Variants in DMD observed in about 807,000 individuals in gnomAD.
DMD encodes dystrophin, also known as mutant dystrophin.
In DMD, 63 loss-of-function variants were observed where a neutral mutation model predicts 330.1. The ratio of observed to expected loss-of-function variants is 0.19; its 90% confidence interval spans 0.16 to 0.24. The LOEUF is 0.24. Ranked by LOEUF, DMD falls within the 10% of genes least tolerant of loss-of-function variation. The pLI is 1.00. For synonymous variants in DMD, 1,223 were observed against 959.8 expected, an observed-to-expected ratio of 1.27 and a Z score of -5.07; for missense variants, 3,344 against 2,684.1, an observed-to-expected ratio of 1.25 and a Z score of -5.43.
chrX:33,241,177 G>A (rs191744224), intron 1 of DMD, among the ~76,000 whole-genome samples: 1 of 111,981 alleles, frequency 8.9e-6, no homozygotes, highest in Non-Finnish European at 1.9e-5. Context: ...CCTTCTGGTA[G>A]TCTTATAGTT....
rs1483914466 is a variant in DMD at position 33,009,391 on chromosome X, T to C, written c.93+10748A>G. Reference sequence around the variant, plus strand: ...GTATATGTGTATATACACGTGTATATATGTGTGTATATGTGTATATACACA... The same window carrying C: ...GTATATGTGTATATACACGTGTATACATGTGTGTATATGTGTATATACACA... On this transcript the variant is annotated intron_variant, in intron 2 of 78. Transcript: ENST00000357033. Among the ~76,000 whole-genome samples the C allele has an allele frequency of 4.6e-5, 4 of 86,606 alleles. 2 individuals carry two copies. Among genetic ancestry groups the C allele is most frequent in the Non-Finnish European group, 9.0e-5 (4 of 44,603 alleles). The allele number at this position is 86,606 out of a possible 115,157, so 75.2% of individuals were successfully genotyped here.
intron 1 of DMD, among the ~76,000 whole-genome samples, chrX:33,205,146 C>T (rs148485891): frequency 0.011 from 1,265 of 112,571 alleles, 14 homozygotes; most frequent in African/African-American, 0.039. Context: ...CATCTGATTA[C>T]GCTCTTTAAA....
At chrX:32,860,710 G>A (rs898855551) in intron 2 of DMD, among the ~76,000 whole-genome samples, 2 of 110,423 alleles carry the variant, frequency 1.8e-5, no homozygotes, top group African/African-American at 3.3e-5. Context: ...GTCACAAACC[G>A]AACATATTTA....
At chrX:32,423,403 AT>A (rs776242582) in intron 29 of DMD, among the ~76,000 whole-genome samples, 6 of 110,148 alleles carry the variant, frequency 5.4e-5, no homozygotes, top group Admixed American at 9.8e-5. Flanking sequence ...TCTAGAGTGA[AT>A]ATTAAATACT....
chrX:31,907,693 C>T (rs1191233969), intron 47 of DMD, among the ~76,000 whole-genome samples: 1 of 112,062 alleles, frequency 8.9e-6, no homozygotes, highest in Non-Finnish European at 1.9e-5. Flanking sequence ...AAAGCAATGG[C>T]AACAGAAGCC....
chrX:32,625,415 T>C (rs2146521678), intron 11 of DMD, among the ~76,000 whole-genome samples: 1 of 111,495 alleles, frequency 9.0e-6, no homozygotes, highest in East Asian at 2.8e-4. Context: ...GGCTGCAATA[T>C]TGGACAGCAC....
intron 37 of DMD, among the ~76,000 whole-genome samples, chrX:32,352,219 C>A (rs1355859541): frequency 9.1e-6 from 1 of 110,497 alleles, no homozygotes; most frequent in Non-Finnish European, 1.9e-5. Context: ...ATTTTAGGAA[C>A]AAAATCCTTT....
Position 31,704,699 on chromosome X carries a change from T to G in DMD, c.7660+24932A>C, listed in dbSNP as rs147067537. Among the ~76,000 whole-genome samples the G allele has an allele frequency of 1.9e-3, 208 of 111,749 alleles. 2 individuals are homozygous for G. The East Asian group carries it at 0.055, about 29-fold the overall frequency. On this transcript the variant is annotated intron_variant, in intron 52 of 78. Coordinates refer to ENST00000357033, the MANE Select transcript of DMD (RefSeq NM_004006.3). ...ACACACATACGTTGCCAGAACTTGG[T>G]CTCAAGCAAGACTATATTTTTCTAA...
chrX:32,077,138 T>C (rs12845449), intron 44 of DMD, among the ~76,000 whole-genome samples: 1 of 111,302 alleles, frequency 9.0e-6, no homozygotes, highest in Non-Finnish European at 1.9e-5. Flanking sequence ...ATAATGCTTA[T>C]CCATGGGGGT....
intron 7 of DMD, among the ~76,000 whole-genome samples, chrX:32,703,522 T>C (rs1002148808): frequency 5.4e-5 from 6 of 111,896 alleles, no homozygotes; most frequent in Non-Finnish European, 7.5e-5. Context: ...TCATGTGCTA[T>C]AGAATATACT....
intron 1 of DMD, among the ~76,000 whole-genome samples, chrX:33,302,710 C>T (rs182379905): frequency 2.2e-3 from 249 of 111,291 alleles, no homozygotes; most frequent in Non-Finnish European, 3.9e-3. Flanking sequence ...CAGCCACCCA[C>T]GCTATCTACA....
intron 2 of DMD, among the ~76,000 whole-genome samples, chrX:32,899,686 A>G (rs765334415): frequency 1.0e-4 from 11 of 109,960 alleles, no homozygotes; most frequent in East Asian, 5.7e-4. Context: ...AAAAAAAAAA[A>G]AAAGAAAGAA....
intron 44 of DMD, among the ~76,000 whole-genome samples, chrX:32,067,997 TCTGCGGC>T (rs2096270811): frequency 8.9e-6 from 1 of 112,075 alleles, no homozygotes; most frequent in African/African-American, 3.2e-5. Context: ...TCCCCTTGTC[TCTGCGGC>T]CTTGCCAGCA....
rs73623940 is a variant in DMD at position 33,290,397 on chromosome X, G to C, written c.7+48862C>G. On this transcript the variant is annotated intron_variant, in intron 1 of 17. Transcript: ENST00000288447. ...AAGATAAAGATGATGATGTTATTCCGTTTGACTAAATCTCATAAGCGGCTC... is the reference window on the plus strand; with the variant it reads ...AAGATAAAGATGATGATGTTATTCCCTTTGACTAAATCTCATAAGCGGCTC... Among the ~76,000 whole-genome samples the C allele has an allele frequency of 2.8e-3, 306 of 111,038 alleles. 2 individuals carry two copies. Among genetic ancestry groups the C allele is most frequent in the African/African-American group, 9.3e-3 (286 of 30,621 alleles).
At chrX:31,249,787 A>C in intron 63 of DMD, among the ~76,000 whole-genome samples, 1 of 111,002 alleles carries the variant, frequency 9.0e-6, no homozygotes, top group African/African-American at 3.3e-5. Flanking sequence ...GGAACCCAAT[A>C]GATTATTAAA....
At chrX:33,214,705 G>A (rs186140761), upstream of DMD, among the ~76,000 whole-genome samples, 119 of 112,228 alleles carry the variant, frequency 1.1e-3, no homozygotes, top group African/African-American at 3.6e-3. Context: ...CCAGGCTGGA[G>A]TGTAGCGACA....
intron 55 of DMD, among the ~76,000 whole-genome samples, chrX:31,619,350 C>G (rs1389327018): frequency 9.1e-6 from 1 of 109,906 alleles, no homozygotes; most frequent in Non-Finnish European, 1.9e-5. Context: ...TAGAAAATGA[C>G]AGTAAAGATA....
At position 32,882,906 on chromosome X, in the gene DMD, A is replaced by G. The variant is rs368168444; in HGVS notation, c.94-33086T>C. ...TAGGAAGACATTGAGCTAAACTCAA[A>G]GAGCAAAAAGCCAGAGTGTATGCAG... On this transcript the variant is annotated intron_variant, in intron 2 of 78. Transcript: ENST00000357033. Among the ~76,000 whole-genome samples the G allele has an allele frequency of 3.6e-5, 4 of 112,569 alleles. No individual in the cohort carries two copies. In the South Asian group the frequency reaches 1.5e-3, roughly 41 times the overall value.
rs1045027122 is a variant in DMD, at chrX:32,644,967, A to G, written c.1146T>C (p.His382=). 19 of 1,211,286 alleles carry G rather than the reference A, an allele frequency of 1.6e-5. No homozygotes were observed. Among genetic ancestry groups the G allele is most frequent in the Non-Finnish European group, 2.0e-5 (18 of 895,037 alleles). ...GTAAATTAACGTTTTAGTTTACCTC[A>G]TGAGTATGAAACTGGTCTTTCACCA... is the stretch of plus-strand genomic sequence containing the variant. ...VEVVKDQFHT[H]EGYMMDLTAH... is the part of the protein sequence containing the mutation. Residue 382 remains histidine, a synonymous_variant, in exon 10 of 79, where the codon CAT becomes CAC. Transcript: ENST00000357033.
Sources: gnomAD v4.1 joint callset for allele counts (sites outside exome capture counted in the v4.1 genomes callset) on GRCh38, gnomAD v4.1.1 for gene constraint, MANE v1.5 for transcripts, NCBI Gene and HGNC (gene_info 2026-07-23, HGNC 2026-07-21) for gene names.